Variants in HACE1 observed in about 807,000 individuals in gnomAD.
The protein encoded by HACE1 is E3 ubiquitin-protein ligase HACE1.
HACE1 carries 73 observed loss-of-function variants against 118.4 expected under a neutral mutation model. That is an observed-to-expected ratio of 0.62 (90% CI 0.51 to 0.75). HACE1 has a LOEUF of 0.75. Among genes scored for constraint, HACE1 ranks in the 30% least tolerant of loss-of-function variants. The pLI is 0.00. For synonymous variants in HACE1, 368 were observed against 374.8 expected (o/e 0.98, Z 0.21); for missense variants, 749 against 1,102.2 (o/e 0.68, Z 4.54).
intron 19 of HACE1, among the ~76,000 whole-genome samples, chr6:104,769,766 G>A (rs12529397): frequency 0.17 from 26,397 of 152,064 alleles, 2,456 homozygotes; most frequent in African/African-American, 0.24. Flanking sequence ...CATGTAAAAT[G>A]AGAGGGTAGA....
At chr6:104,739,709 T>A (rs1261779957) in intron 22 of HACE1, among the ~76,000 whole-genome samples, 1 of 150,900 alleles carries the variant, frequency 6.6e-6, no homozygotes, top group Non-Finnish European at 1.5e-5. Context: ...CTCCCACACA[T>A]TAATAATGGG....
rs967459034 is a variant in HACE1, at chr6:104,815,934, G to A, written c.535-4541C>T. Among the ~76,000 whole-genome samples, 34 of 151,892 alleles carry A rather than the reference G, an allele frequency of 2.2e-4. 1 individual carries two copies. Among genetic ancestry groups the A allele is most frequent in the African/African-American group, 6.0e-4 (25 of 41,344 alleles). On this transcript the variant is annotated intron_variant, in intron 6 of 23. Coordinates refer to ENST00000262903, the MANE Select transcript of HACE1 (RefSeq NM_020771.4). ...CTATAAATATAAAAATTAGCCAGGCGTGGTGGCAGGGACCTGTAATTCCAG... is the reference window on the plus strand; with the variant it reads ...CTATAAATATAAAAATTAGCCAGGCATGGTGGCAGGGACCTGTAATTCCAG...
intron 1 of HACE1, 65 bp from the exon 2 acceptor site, chr6:104,852,436 T>G (rs1776339500): frequency 1.0e-6 from 1 of 977,052 alleles, no homozygotes. Flanking sequence ...TACTTAAGAT[T>G]AGTTTAGAAT....
intron 19 of HACE1, among the ~76,000 whole-genome samples, chr6:104,751,074 T>C (rs1031491299): frequency 2.0e-5 from 3 of 152,158 alleles, no homozygotes; most frequent in Non-Finnish European, 4.4e-5. Flanking sequence ...CTTCTTTCCA[T>C]TCTCCCCCTA....
At chr6:104,749,641 G>A (rs1777826462) in intron 20 of HACE1, among the ~76,000 whole-genome samples, 1 of 151,942 alleles carries the variant, frequency 6.6e-6, no homozygotes, top group African/African-American at 2.4e-5. Flanking sequence ...GCAGCTATAT[G>A]CTATTTAAAA....
At chr6:104,791,009 A>G (rs920295868) in intron 11 of HACE1, among the ~76,000 whole-genome samples, 2 of 152,130 alleles carry the variant, frequency 1.3e-5, no homozygotes, top group African/African-American at 4.8e-5. Flanking sequence ...TTTTAAGAAA[A>G]TATCTCAACA....
At chr6:104,781,298 C>T (rs1781717630) in intron 14 of HACE1, among the ~76,000 whole-genome samples, 1 of 152,144 alleles carries the variant, frequency 6.6e-6, no homozygotes, top group Admixed American at 6.5e-5. Flanking sequence ...TTCAAGCTGT[C>T]TTCCGAGTCA....
intron 6 of HACE1, among the ~76,000 whole-genome samples, chr6:104,813,017 G>A (rs115839837): frequency 0.018 from 1,622 of 89,774 alleles, 394 homozygotes; most frequent in African/African-American, 0.082. Context: ...AAGATGAGGA[G>A]CCATCGTGAA....
chr6:104,848,399 C>T (rs1356590289), intron 4 of HACE1, among the ~76,000 whole-genome samples: 3 of 148,944 alleles, frequency 2.0e-5, no homozygotes, highest in South Asian at 2.1e-4. Flanking sequence ...GAGGTTGCAG[C>T]GAGCCGAGAC....
chr6:104,810,934 G>C (rs1268187148), intron 7 of HACE1, among the ~76,000 whole-genome samples: 1 of 151,900 alleles, frequency 6.6e-6, no homozygotes, highest in South Asian at 2.1e-4. Flanking sequence ...CACAGTAAAC[G>C]ATGGGAATTA....
chr6:104,853,442 A>G (rs776205415), intron 1 of HACE1, among the ~76,000 whole-genome samples: 1 of 152,096 alleles, frequency 6.6e-6, no homozygotes, highest in Non-Finnish European at 1.5e-5. Context: ...ATTGATTTTT[A>G]TATATTACTA....
At position 104,744,220 on chromosome 6, in the gene HACE1, T is replaced by A. The variant is rs1022739963; in HGVS notation, c.2453A>T (p.Glu818Val). 2 of 1,594,108 alleles carry A rather than the reference T, an allele frequency of 1.3e-6. No individual in the cohort carries two copies. Among genetic ancestry groups the A allele is most frequent in the Non-Finnish European group, 1.7e-6 (2 of 1,167,848 alleles). Residue 818 changes from glutamate (E) to valine (V), a missense_variant, in exon 22 of 24, where the codon GAA becomes GTA. Around this residue, in one of 5 missense-constraint regions of HACE1, gnomAD observed 165 missense variants for 229.9 expected, o/e 0.72. Coordinates refer to ENST00000262903, the MANE Select transcript of HACE1 (RefSeq NM_020771.4). ...CTCTTGAGTAATGTCTTCTACAACTTCCCAGAACCACTAACAACAAGAACA... is the reference window on the plus strand; with the variant it reads ...CTCTTGAGTAATGTCTTCTACAACTACCCAGAACCACTAACAACAAGAACA... Reference protein sequence around the residue: ...REDPVIQWFWEVVEDITQEER... With the variant: ...REDPVIQWFWVVVEDITQEER...
intron 2 of HACE1, 140 bp from the exon 3 acceptor site, chr6:104,851,136 T>C: frequency 7.8e-6 from 5 of 643,624 alleles, no homozygotes; most frequent in Admixed American, 2.1e-5. Flanking sequence ...CAGGCTGGAG[T>C]ACAGTGGCGA....
At chr6:104,747,791 G>A (rs1259716381) in intron 20 of HACE1, among the ~76,000 whole-genome samples, 3 of 152,016 alleles carry the variant, frequency 2.0e-5, no homozygotes, top group African/African-American at 7.3e-5. Flanking sequence ...AAAATACCTG[G>A]CAAATACTAA....
At chr6:104,779,575 A>G (rs1027780328) in intron 14 of HACE1, among the ~76,000 whole-genome samples, 3 of 152,144 alleles carry the variant, frequency 2.0e-5, no homozygotes, top group African/African-American at 7.2e-5. Flanking sequence ...TTTTCAGTTA[A>G]CAAGCTGGAA....
At chr6:104,811,456 C>A in intron 6 of HACE1, 63 bp from the exon 7 acceptor site, 2 of 795,240 alleles carry the variant, frequency 2.5e-6, no homozygotes, top group Admixed American at 3.5e-5. Context: ...ACAATTACCA[C>A]AATTTTAATC....
At chr6:104,852,435 T>C in intron 1 of HACE1, 64 bp from the exon 2 acceptor site, 2 of 993,422 alleles carry the variant, frequency 2.0e-6, no homozygotes, top group East Asian at 2.5e-5. Context: ...ATACTTAAGA[T>C]TAGTTTAGAA....
At chr6:104,802,033 C>CAAAAA (rs533831848) in intron 7 of HACE1, among the ~76,000 whole-genome samples, 1 of 58,772 alleles carries the variant, frequency 1.7e-5, no homozygotes, top group African/African-American at 5.6e-5. Flanking sequence ...AACGAAAAGC[C>CAAAAA]AAAAAAAAAA....
intron 6 of HACE1, chr6:104,824,947 G>C (rs1287898849): frequency 1.3e-5 from 2 of 151,800 alleles, no homozygotes; most frequent in Non-Finnish European, 2.9e-5. Flanking sequence ...GCCGGGCGTG[G>C]TGGCGGGCGC....
Sources: gnomAD v4.1 joint callset for allele counts (sites outside exome capture counted in the v4.1 genomes callset) on GRCh38, gnomAD v4.1.1 for gene constraint, gnomAD v4.1.1 regional missense constraint, MANE v1.5 for transcripts, NCBI Gene and HGNC (gene_info 2026-07-23, HGNC 2026-07-21) for gene names.